Variants in CTDP1 observed in about 807,000 individuals in gnomAD.
The protein encoded by CTDP1 is RNA polymerase II subunit A C-terminal domain phosphatase.
CTDP1 carries 47 observed loss-of-function variants against 91.8 expected under a neutral mutation model. The observed-to-expected ratio is 0.51, with a 90% CI of 0.41 to 0.65. The LOEUF (loss-of-function observed/expected upper bound fraction) is 0.65, where lower values mean the gene tolerates loss of function less well. Among genes scored for constraint, CTDP1 ranks in the 30% least tolerant of loss-of-function variants. CTDP1 has a pLI of 0.00. For missense variants in CTDP1, 1,272 were observed against 1,373.7 expected, an observed-to-expected ratio of 0.93 and a Z score of 1.17; for synonymous variants, 656 against 598.5, an observed-to-expected ratio of 1.10 and a Z score of -1.40.
intron 12 of CTDP1, among the ~76,000 whole-genome samples, chr18:79,743,216 A>G (rs1360583990): frequency 6.6e-6 from 1 of 152,066 alleles, no homozygotes; most frequent in Non-Finnish European, 1.5e-5. Context: ...TGTAGCATGC[A>G]TGGATGTGGT....
chr18:79,716,755 T>G (rs1181384462), intron 8 of CTDP1, among the ~76,000 whole-genome samples: 1 of 152,230 alleles, frequency 6.6e-6, no homozygotes, highest in African/African-American at 2.4e-5. Context: ...ATTCCTTCCT[T>G]CCCCCTGAAT....
intron 1 of CTDP1, among the ~76,000 whole-genome samples, chr18:79,694,915 A>T (rs145486264): frequency 1.2e-3 from 187 of 152,292 alleles, no homozygotes; most frequent in African/African-American, 3.5e-3. Flanking sequence ...GTTTTGAGAC[A>T]ACTTTATGTT....
At chr18:79,679,257 A>T (rs2085299772), upstream of CTDP1, 4 of 376,288 alleles carry the variant, frequency 1.1e-5, no homozygotes, top group Admixed American at 1.2e-4. Flanking sequence ...AGAAGACCGC[A>T]ACCCCCAAGC....
chr18:79,741,142 C>T (rs1248334338), intron 12 of CTDP1, among the ~76,000 whole-genome samples: 1 of 148,896 alleles, frequency 6.7e-6, no homozygotes, highest in Admixed American at 6.7e-5. Context: ...CCGAGGTCCC[C>T]TTGCGGTTGA....
At chr18:79,749,319 G>GGCCCCT (rs981141130) in intron 12 of CTDP1, among the ~76,000 whole-genome samples, 57 of 151,966 alleles carry the variant, frequency 3.8e-4, no homozygotes, top group Admixed American at 9.2e-4. Flanking sequence ...TTTCGGTCGG[G>GGCCCCT]GCCCCTGCCC....
intron 5 of CTDP1, among the ~76,000 whole-genome samples, chr18:79,709,341 GGAAGATAACACAGTAGGCTTAAAGTTCA>G: frequency 1.3e-5 from 2 of 152,224 alleles, no homozygotes; most frequent in Middle Eastern, 3.4e-3. Flanking sequence ...TGCAAACTTA[GGAAGATAACACAGTAGGCTTAAAGTTCA>G]GAAGATAAAT....
intron 12 of CTDP1, among the ~76,000 whole-genome samples, chr18:79,741,252 G>T (rs1172223698): frequency 1.3e-5 from 2 of 151,146 alleles, no homozygotes; most frequent in African/African-American, 2.4e-5. Context: ...TGAGCCTGTG[G>T]TTGGGTGAGG....
At chr18:79,721,810 T>C (rs2086349793) in intron 10 of CTDP1, among the ~76,000 whole-genome samples, 1 of 151,454 alleles carries the variant, frequency 6.6e-6, no homozygotes, top group Non-Finnish European at 1.5e-5. Flanking sequence ...ACTTATTTTT[T>C]CTTCAGTATT....
chr18:79,747,375 T>C (rs1258028263), intron 12 of CTDP1, among the ~76,000 whole-genome samples: 3 of 152,198 alleles, frequency 2.0e-5, no homozygotes, highest in African/African-American at 7.2e-5. Flanking sequence ...GCATCCCCGC[T>C]GGGGCCCTGC....
At chr18:79,753,600 C>T (rs1032730431) in intron 12 of CTDP1, 52 bp from the exon 13 acceptor site, 32 of 1,613,546 alleles carry the variant, frequency 2.0e-5, no homozygotes, top group South Asian at 5.5e-5. Flanking sequence ...GGCGGTGACC[C>T]GGCGTTGTGC....
chr18:79,680,199 G>A lies in CTDP1; in HGVS notation c.252G>A (p.Arg84=). 3 of 1,377,228 alleles carry A rather than the reference G, an allele frequency of 2.2e-6. No homozygotes were observed. Among genetic ancestry groups the A allele is most frequent in the South Asian group, 3.3e-5 (2 of 60,038 alleles). The allele number at this position is 1,377,228 out of a possible 1,614,324, so 85.3% of individuals were successfully genotyped here. ...CCGCGCGGCCGGAACGCAGGCTGAG[G>A]TCGGAGCGCGCGGGCGTGGTGCGGG... ...VRPARPERRL[R]SERAGVVREL... Residue 84 remains arginine, a synonymous_variant, in exon 1 of 13, where the codon AGG becomes AGA. Transcript: ENST00000613122.
intron 1 of CTDP1, among the ~76,000 whole-genome samples, chr18:79,681,184 G>A (rs1489581335): frequency 6.6e-6 from 1 of 152,250 alleles, no homozygotes; most frequent in African/African-American, 2.4e-5. Context: ...TTCCGCAAGA[G>A]TGAGGACTGG....
Position 79,713,985 on chromosome 18 carries a change from AC to A in CTDP1, c.1031-505del, listed in dbSNP as rs1291907090. ...GGTGGCGCCAGGTCTGCAGGGGCTT[AC>A]GGCCACGGTGGTGCCAGGTCTGCAG... On this transcript the variant is annotated intron_variant, in intron 7 of 12. Coordinates refer to ENST00000613122, the MANE Select transcript of CTDP1 (RefSeq NM_004715.5). The surrounding 1 kb of genome is among the most constrained non-coding windows in gnomAD (Gnocchi z 4.7). Among the ~76,000 whole-genome samples, 25 of 102,966 alleles carry A rather than the reference AC, an allele frequency of 2.4e-4. No individual in the cohort carries two copies. Among genetic ancestry groups the A allele is most frequent in the African/African-American group, 8.3e-4 (25 of 30,144 alleles). The allele number at this position is 102,966 out of a possible 152,430, so 67.5% of individuals were successfully genotyped here.
intron 11 of CTDP1, among the ~76,000 whole-genome samples, chr18:79,733,725 T>C (rs1011405455): frequency 2.6e-4 from 40 of 152,166 alleles, no homozygotes; most frequent in Admixed American, 4.6e-4. Context: ...TCTTCTTGTT[T>C]CCCGTCCTCT....
chr18:79,733,123 G>T (rs2049513726), intron 11 of CTDP1, among the ~76,000 whole-genome samples: 1 of 152,238 alleles, frequency 6.6e-6, no homozygotes. Flanking sequence ...CCTCAGCACA[G>T]GACGAATGTG....
At chr18:79,732,108 C>A (rs549376382) in intron 11 of CTDP1, among the ~76,000 whole-genome samples, 1 of 150,820 alleles carries the variant, frequency 6.6e-6, no homozygotes, top group East Asian at 2.0e-4. Context: ...TAAGAACTTG[C>A]TGACATCAGG....
intron 1 of CTDP1, among the ~76,000 whole-genome samples, chr18:79,687,830 T>C (rs1022146656): frequency 2.0e-5 from 3 of 152,202 alleles, no homozygotes; most frequent in African/African-American, 7.2e-5. Context: ...AGGCAAGGAC[T>C]TTCCTTGCAG....
chr18:79,748,848 C>A (rs116937451), intron 12 of CTDP1, among the ~76,000 whole-genome samples: 2 of 151,926 alleles, frequency 1.3e-5, no homozygotes, highest in Non-Finnish European at 2.9e-5. Flanking sequence ...GCACATGAGC[C>A]GTGTCTGTGT....
chr18:79,683,550 A>T (rs532562878), intron 1 of CTDP1, among the ~76,000 whole-genome samples: 41 of 152,278 alleles, frequency 2.7e-4, no homozygotes, highest in African/African-American at 9.1e-4. Context: ...GCTCTTGGTG[A>T]GAGAGAGCAG....
Sources: gnomAD v4.1 joint callset for allele counts (sites outside exome capture counted in the v4.1 genomes callset) on GRCh38, gnomAD v4.1.1 for gene constraint, Gnocchi (gnomAD v3.1) non-coding constraint, MANE v1.5 for transcripts, NCBI Gene and HGNC (gene_info 2026-07-23, HGNC 2026-07-21) for gene names.